DNAH9: variants seen among roughly 807,000 people sequenced by gnomAD.
DNAH9 encodes the protein DNAH9 variant protein.
DNAH9 carries 345 observed loss-of-function variants against 471.6 expected under a neutral mutation model. The observed-to-expected ratio is 0.73, with a 90% CI of 0.67 to 0.80. The LOEUF (loss-of-function observed/expected upper bound fraction) is 0.80, where lower values mean the gene tolerates loss of function less well. Among genes scored for constraint, DNAH9 ranks in the 30% least tolerant of loss-of-function variants. DNAH9 has a pLI of 0.00. For synonymous variants in DNAH9, 2,093 were observed against 2,123.6 expected (o/e 0.99, Z 0.40); for missense variants, 5,407 against 5,609.2 (o/e 0.96, Z 1.15).
chr17:11,856,785 A>G (rs1971642298), intron 50 of DNAH9, among the ~76,000 whole-genome samples: 2 of 152,146 alleles, frequency 1.3e-5, no homozygotes, highest in Non-Finnish European at 2.9e-5. Context: ...TTCATGGACT[A>G]GTTTACTTAA....
In DNAH9 at chr17:11,598,568, C is replaced by T; in HGVS notation, c.70C>T (p.Arg24Ter). The T allele has an allele frequency of 7.4e-7, 1 of 1,343,500 alleles. No homozygotes were observed. Among genetic ancestry groups the T allele is most frequent in the Non-Finnish European group, 9.7e-7 (1 of 1,034,970 alleles). The allele number at this position is 1,343,500 out of a possible 1,614,324, so 83.2% of individuals were successfully genotyped here. ...GGATGGGGAACCCGGCGCCGACCGA[C>T]GACTGCGACTCCTGGGGACCTACGT... is the stretch of plus-strand genomic sequence containing the variant. Reference protein sequence around the residue: ...NADGEPGADRRLRLLGTYVAM... With the variant: ...NADGEPGADR Residue 24 changes from arginine to a stop codon, truncating the protein, a stop_gained, in exon 1 of 69, where the codon CGA becomes TGA. Transcript: ENST00000262442. LOFTEE classifies it high-confidence loss of function.
chr17:11,714,351 A>G (rs1177746959), intron 26 of DNAH9, among the ~76,000 whole-genome samples: 1 of 152,154 alleles, frequency 6.6e-6, no homozygotes, highest in Non-Finnish European at 1.5e-5. Context: ...TGTTAATATT[A>G]TTTAGAAATT....
Position 11,962,832 on chromosome 17 carries a change from T to C in DNAH9, c.13233+576T>C, listed in dbSNP as rs1484339100. The stretch of plus-strand genomic sequence containing the variant: ...ATGAGCTCTCAAAGGGCAGGAATCT[T>C]CTGCCTTTTATGTTGTCCTATGTTG... On this transcript the variant is annotated intron_variant, in intron 68 of 68. Transcript: ENST00000262442. The surrounding 1 kb of genome is among the most constrained non-coding windows in gnomAD (Gnocchi z 4.1). 6.6e-6 allele frequency among the ~76,000 whole-genome samples: 1 copy of C among 152,156 alleles called. No individual in the cohort carries two copies. The highest frequency in any genetic ancestry group is 1.9e-4 in the East Asian group (1 of 5,174).
chr17:11,812,767 C>T (rs565830011), intron 45 of DNAH9, among the ~76,000 whole-genome samples: 18 of 152,140 alleles, frequency 1.2e-4, no homozygotes, highest in Non-Finnish European at 2.4e-4. Flanking sequence ...CCTCCAATGC[C>T]ACAATTTTTT....
chr17:11,928,680 G>A (rs1395931611), intron 62 of DNAH9, among the ~76,000 whole-genome samples: 1 of 152,222 alleles, frequency 6.6e-6, no homozygotes, highest in Non-Finnish European at 1.5e-5. Flanking sequence ...GCCTTGTTTG[G>A]TCTTTGAGCA....
At chr17:11,768,429 C>T in intron 36 of DNAH9, 24 bp from the exon 37 acceptor site, 1 of 1,607,556 alleles carries the variant, frequency 6.2e-7, no homozygotes, top group South Asian at 1.1e-5. Flanking sequence ...GGACCTTGTC[C>T]CCTGACTGTC....
chr17:11,749,647 G>A (rs1209896730), intron 32 of DNAH9, among the ~76,000 whole-genome samples: 1 of 151,848 alleles, frequency 6.6e-6, no homozygotes, highest in Non-Finnish European at 1.5e-5. Context: ...ATTTATGTTG[G>A]GGCTTAGTAT....
intron 38 of DNAH9, among the ~76,000 whole-genome samples, chr17:11,778,403 A>G (rs1410765596): frequency 3.3e-5 from 5 of 149,916 alleles, no homozygotes; most frequent in Admixed American, 1.3e-4. Flanking sequence ...TGCCTGGAGC[A>G]GAGCTTGAGG....
intron 32 of DNAH9, among the ~76,000 whole-genome samples, chr17:11,750,473 A>C (rs1967101573): frequency 6.6e-6 from 1 of 152,200 alleles, no homozygotes. Flanking sequence ...CATAAATAGA[A>C]AGTATTCCTT....
intron 56 of DNAH9, 143 bp from the exon 57 acceptor site, chr17:11,886,682 T>C (rs1485902076): frequency 3.8e-6 from 4 of 1,040,624 alleles, no homozygotes; most frequent in African/African-American, 1.6e-5. Flanking sequence ...CATAGTAGCT[T>C]TTCAACTTTC....
chr17:11,823,097 C>G, intron 48 of DNAH9, 63 bp downstream of exon 48: 1 of 1,405,618 alleles, frequency 7.1e-7, no homozygotes, highest in Non-Finnish European at 9.7e-7. Context: ...CAGCCCTTTC[C>G]AGTGAACTGG....
At chr17:11,935,049 C>T (rs1476306010) in intron 65 of DNAH9, among the ~76,000 whole-genome samples, 7 of 151,980 alleles carry the variant, frequency 4.6e-5, no homozygotes, top group Admixed American at 6.6e-5. Flanking sequence ...CTGCAACCTC[C>T]GCCTCCCAGG....
chr17:11,843,890 T>TATATATATATATATATAC lies in DNAH9; in HGVS notation c.9507+8993_9507+8994insTATATATATATATATACA, dbSNP rs1389217941. ...ATATATATATATATATATATATATA[T>TATATATATATATATATAC]ACACATAGAGAGAGAGAGAATAATA... is the stretch of plus-strand genomic sequence containing the variant. On this transcript the variant is annotated intron_variant, in intron 49 of 68. Transcript: ENST00000262442. Among the ~76,000 whole-genome samples, 168 of 127,072 alleles carry TATATATATATATATATAC rather than the reference T, an allele frequency of 1.3e-3. 1 individual carries two copies. Among genetic ancestry groups the TATATATATATATATATAC allele is most frequent in the African/African-American group, 3.4e-3 (109 of 32,244 alleles). 83.4% of individuals were successfully genotyped at this position (127,072 alleles called of 152,430 possible).
At position 11,645,144 on chromosome 17, in the gene DNAH9, G is replaced by A. The variant is rs145013849; in HGVS notation, c.1970+445G>A. On this transcript the variant is annotated intron_variant, in intron 11 of 68. Coordinates refer to ENST00000262442, the MANE Select transcript of DNAH9 (RefSeq NM_001372.4). ...TCAAAGTTGTAACTGCTTTAAAGCT[G>A]AATAAGTCTTTCCAGGGCTTAGGGT... 8.8e-4 allele frequency among the ~76,000 whole-genome samples: 134 copies of A among 152,346 alleles called. 1 individual carries two copies. The East Asian group carries it at 0.024, about 27-fold the overall frequency.
chr17:11,783,918 G>A (rs1173849120), intron 40 of DNAH9, among the ~76,000 whole-genome samples, 170 bp downstream of exon 40: 4 of 152,174 alleles, frequency 2.6e-5, no homozygotes, highest in African/African-American at 4.8e-5. Flanking sequence ...CCTAGACTTA[G>A]AGTCTCAAGA....
chr17:11,685,251 GA>G (rs571756139), intron 19 of DNAH9, among the ~76,000 whole-genome samples: 4 of 151,616 alleles, frequency 2.6e-5, no homozygotes, highest in Non-Finnish European at 4.4e-5. Flanking sequence ...GTTTCAGGGG[GA>G]AAAAAAACAG....
chr17:11,965,418 G>T (rs1051112754), intron 68 of DNAH9, among the ~76,000 whole-genome samples: 1 of 152,170 alleles, frequency 6.6e-6, no homozygotes, highest in African/African-American at 2.4e-5. Flanking sequence ...CACTTCAGTG[G>T]CCATACTTGA....
chr17:11,664,885 A>C lies in DNAH9; in HGVS notation c.2648A>C (p.Tyr883Ser). 1.2e-6 allele frequency: 2 copies of C among 1,612,694 alleles called. No individual in the cohort carries two copies. Among genetic ancestry groups the C allele is most frequent in the East Asian group, 4.5e-5 (2 of 44,862 alleles). ...CCAACCTCCAATATCTGGAAGACTT[A>C]TGTTAACTCTATTGACAATTTGTTG... The part of the protein sequence containing the change: ...ADPTSNIWKT[Y>S]VNSIDNLLLN... Residue 883 changes from tyrosine (Y) to serine (S), a missense_variant, in exon 15 of 69, where the codon TAT becomes TCT. Coordinates refer to ENST00000262442, the MANE Select transcript of DNAH9 (RefSeq NM_001372.4).
At chr17:11,724,335 T>C (rs943874503) in intron 27 of DNAH9, among the ~76,000 whole-genome samples, 2 of 152,154 alleles carry the variant, frequency 1.3e-5, no homozygotes, top group East Asian at 1.9e-4. Context: ...TTCTCTTCAT[T>C]TTCTCCTTCC....
Sources: allele counts gnomAD v4.1 joint callset (sites outside exome capture counted in the v4.1 genomes callset), GRCh38; gene constraint gnomAD v4.1.1; non-coding constraint Gnocchi (gnomAD v3.1); transcripts MANE v1.5; gene names NCBI Gene and HGNC (gene_info 2026-07-23, HGNC 2026-07-21).